Variants in SOX5 observed in about 807,000 individuals in gnomAD.
SOX5 encodes the protein transcription factor SOX-5.
SOX5 carries 9 observed loss-of-function variants against 92.0 expected under a neutral mutation model. That is an observed-to-expected ratio of 0.10 (90% CI 0.06 to 0.17). SOX5 has a LOEUF of 0.17. Among genes scored for constraint, SOX5 ranks in the 10% least tolerant of loss-of-function variants. SOX5 has a pLI of 1.00. For synonymous variants in SOX5, 344 were observed against 336.3 expected, an observed-to-expected ratio of 1.02 and a Z score of -0.25; for missense variants, 642 against 944.5, an observed-to-expected ratio of 0.68 and a Z score of 4.20.
chr12:24,071,355 A>G (rs1008838296), intron 4 of SOX5, among the ~76,000 whole-genome samples: 10 of 152,228 alleles, frequency 6.6e-5, no homozygotes, highest in Non-Finnish European at 1.2e-4. Context: ...TGCTATATCA[A>G]TTAGGCAGAT....
At chr12:23,781,516 T>C (rs1567711657) in intron 3 of SOX5, among the ~76,000 whole-genome samples, 1 of 152,038 alleles carries the variant, frequency 6.6e-6, no homozygotes, top group Non-Finnish European at 1.5e-5. Flanking sequence ...TCCTTCTACA[T>C]TTAGAGTAAT....
chr12:23,607,243 G>C (rs554650609), intron 8 of SOX5, among the ~76,000 whole-genome samples: 1 of 152,298 alleles, frequency 6.6e-6, no homozygotes, highest in East Asian at 1.9e-4. Flanking sequence ...CACATTTTGT[G>C]TCATAGATAT....
intron 6 of SOX5, among the ~76,000 whole-genome samples, chr12:23,716,023 T>C (rs759242961): frequency 2.6e-5 from 4 of 152,146 alleles, no homozygotes; most frequent in Non-Finnish European, 1.5e-5. Context: ...TGGATGATTC[T>C]AGGGTTTTCT....
intron 1 of SOX5, among the ~76,000 whole-genome samples, chr12:24,419,020 T>G (rs1015308840): frequency 6.6e-6 from 1 of 152,178 alleles, no homozygotes; most frequent in Non-Finnish European, 1.5e-5. Context: ...TCCAAAATTA[T>G]AGCACAACAA....
At chr12:23,778,168 T>C (rs766016607) in intron 3 of SOX5, among the ~76,000 whole-genome samples, 7 of 152,246 alleles carry the variant, frequency 4.6e-5, no homozygotes, top group Admixed American at 2.6e-4. Flanking sequence ...TGTGACTCCG[T>C]TGTATTTCTT....
intron 4 of SOX5, among the ~76,000 whole-genome samples, chr12:24,029,220 A>G (rs762844811): frequency 6.6e-5 from 10 of 151,966 alleles, no homozygotes; most frequent in Non-Finnish European, 1.5e-4. Context: ...CTGCAGTTAA[A>G]TGTACCTTAA....
chr12:24,365,773 A>T (rs1211883798), intron 2 of SOX5, among the ~76,000 whole-genome samples: 2 of 151,620 alleles, frequency 1.3e-5, no homozygotes, highest in Admixed American at 6.6e-5. Context: ...ACATTAGGAA[A>T]CTTCTTTTCC....
chr12:24,423,601 C>T (rs185888686), intron 1 of SOX5, among the ~76,000 whole-genome samples: 7 of 152,296 alleles, frequency 4.6e-5, no homozygotes, highest in Admixed American at 4.6e-4. Context: ...GAAATATAAT[C>T]GTCTTTTACC....
At chr12:23,563,489 A>G in intron 10 of SOX5, 86 bp from the exon 11 acceptor site, 1 of 1,160,234 alleles carries the variant, frequency 8.6e-7, no homozygotes, top group Non-Finnish European at 1.2e-6. Context: ...TTTTCTTGGT[A>G]ATAGGTAGTG....
chr12:23,840,250 A>G lies in SOX5; in HGVS notation c.481+5733T>C, dbSNP rs1317020781. On this transcript the variant is annotated intron_variant, in intron 3 of 14. Transcript: ENST00000451604. ...TATTTACATTTAAATTTTTACATCA[A>G]AAAAGAAATAGTAGGTATAAATGTA... Among the ~76,000 whole-genome samples the G allele has an allele frequency of 5.3e-5, 8 of 152,148 alleles. No individual in the cohort carries two copies. In the East Asian group the frequency reaches 1.3e-3, roughly 26 times the overall value.
chr12:24,489,372 C>T (rs1052447291), intron 1 of SOX5, among the ~76,000 whole-genome samples: 2 of 152,046 alleles, frequency 1.3e-5, no homozygotes, highest in African/African-American at 2.4e-5. Context: ...GAGAGAGGCA[C>T]GTGGTGAAAT....
intron 1 of SOX5, among the ~76,000 whole-genome samples, chr12:24,385,926 C>CAAAAAAAAAAAAAAAAAAAAAAA (rs35813329): frequency 5.5e-5 from 4 of 73,382 alleles, no homozygotes; most frequent in African/African-American, 2.4e-4. Context: ...GACCTTGTCA[C>CAAAAAAAAAAAAAAAAAAAAAAA]AAAAAAAAAA....
Position 23,700,429 on chromosome 12 carries a change from G to A in SOX5, c.810+34255C>T, listed in dbSNP as rs564906687. Among the ~76,000 whole-genome samples the A allele has an allele frequency of 2.6e-5, 4 of 152,064 alleles. No homozygotes were observed. The South Asian group carries it at 6.2e-4, about 24-fold the overall frequency. On this transcript the variant is annotated intron_variant, in intron 6 of 14. Transcript: ENST00000451604. ...TCTTGAGACTTTTCATTTAATTCTCGTAAGAGCAGAAATATATTATAAAGC... is the reference window on the plus strand; with the variant it reads ...TCTTGAGACTTTTCATTTAATTCTCATAAGAGCAGAAATATATTATAAAGC...
chr12:24,479,622 T>C (rs1945756504), intron 1 of SOX5, among the ~76,000 whole-genome samples: 1 of 152,080 alleles, frequency 6.6e-6, no homozygotes, highest in Non-Finnish European at 1.5e-5. Flanking sequence ...CCTTACAAAA[T>C]CTTACACTGG....
intron 3 of SOX5, among the ~76,000 whole-genome samples, chr12:24,263,552 A>AAC (rs1565782080): frequency 1.4e-5 from 2 of 145,398 alleles, no homozygotes; most frequent in Non-Finnish European, 3.0e-5. Flanking sequence ...AAAAAAAAAA[A>AAC]CAAAAACAAG....
intron 4 of SOX5, among the ~76,000 whole-genome samples, chr12:24,060,875 C>T (rs773650188): frequency 6.6e-6 from 1 of 152,162 alleles, no homozygotes. Context: ...AGACGAGAGA[C>T]GATGACAGCA....
chr12:24,534,529 T>TA (rs1951468579), intron 1 of SOX5, among the ~76,000 whole-genome samples: 1 of 152,212 alleles, frequency 6.6e-6, no homozygotes, highest in Non-Finnish European at 1.5e-5. Context: ...GCACATTTTT[T>TA]AAAAAATCAA....
intron 3 of SOX5, among the ~76,000 whole-genome samples, chr12:24,267,443 T>C (rs1943165227): frequency 6.6e-6 from 1 of 152,218 alleles, no homozygotes; most frequent in African/African-American, 2.4e-5. Context: ...TTCATAATTA[T>C]GAATTAGGGA....
intron 4 of SOX5, among the ~76,000 whole-genome samples, chr12:23,974,292 A>G (rs554982650): frequency 2.6e-5 from 4 of 152,264 alleles, no homozygotes; most frequent in Admixed American, 2.0e-4. Flanking sequence ...GGTTGCTTCC[A>G]TCTCTTTGCT....
Sources: allele counts gnomAD v4.1 joint callset (sites outside exome capture counted in the v4.1 genomes callset), GRCh38; gene constraint gnomAD v4.1.1; transcripts MANE v1.5; gene names NCBI Gene and HGNC (gene_info 2026-07-23, HGNC 2026-07-21).